Variants in RBFOX1 observed in about 807,000 individuals in gnomAD.
RBFOX1 encodes RNA binding fox-1 homolog 1.
Under a neutral mutation model 57.7 loss-of-function variants are expected in RBFOX1, and 8 were observed. The ratio of observed to expected loss-of-function variants is 0.14; its 90% CI spans 0.08 to 0.25. The LOEUF (loss-of-function observed/expected upper bound fraction) is 0.25. Among genes scored for constraint, RBFOX1 ranks in the 10% least tolerant of loss-of-function variants. RBFOX1 has a pLI of 1.00. For missense variants in RBFOX1, 611 were observed against 548.5 expected, an observed-to-expected ratio of 1.11 and a Z score of -1.14; for synonymous variants, 326 against 222.4, an observed-to-expected ratio of 1.47 and a Z score of -4.15.
At chr16:6,408,227 A>G (rs963498925) in intron 2 of RBFOX1, among the ~76,000 whole-genome samples, 1 of 152,178 alleles carries the variant, frequency 6.6e-6, no homozygotes, top group Non-Finnish European at 1.5e-5. Context: ...AGACAAAGAC[A>G]TTCCCTAAAA....
Position 5,776,709 on chromosome 16 carries a change from A to T in RBFOX1, c.319-90594A>T, listed in dbSNP as rs74006282. Among the ~76,000 whole-genome samples the T allele has an allele frequency of 4.0e-3, 606 of 152,330 alleles. 6 individuals carry two copies. Among genetic ancestry groups the T allele is most frequent in the African/African-American group, 0.013 (560 of 41,574 alleles). On this transcript the variant is annotated intron_variant, in intron 3 of 19. Transcript: ENST00000641259. ...AGAAAGTGGCAGAGCTGGGATTTCA[A>T]CCCAGACAGTCTGCCTCCAACACCC...
chr16:7,034,787 A>C (rs185729128), intron 3 of RBFOX1, among the ~76,000 whole-genome samples: 25 of 145,516 alleles, frequency 1.7e-4, no homozygotes, highest in Admixed American at 2.8e-4. Context: ...TGCAATTTCT[A>C]ATTCACTTGG....
intron 5 of RBFOX1, 22 bp downstream of exon 5, chr16:7,518,411 G>A (rs199524226): frequency 1.0e-5 from 16 of 1,593,794 alleles, no homozygotes; most frequent in Admixed American, 8.4e-5. Context: ...TGTTTGCTAC[G>A]GGTGGGAGGT....
Position 7,595,750 on chromosome 16 carries a change from C to T in RBFOX1, c.561+109C>T, listed in dbSNP as rs757014296. The T allele has an allele frequency of 2.6e-5, 15 of 576,210 alleles. No homozygotes were observed. In the Admixed American group the frequency reaches 5.9e-4, roughly 23 times the overall value. The allele number at this position is 576,210 out of a possible 1,614,324, so 35.7% of individuals were successfully genotyped here. On this transcript the variant is annotated intron_variant, in intron 8 of 15. Transcript: ENST00000550418. ...CGTCTTGTATGTGACCCTATTCCCC[C>T]TCATTGTTTATATATATATATATAT...
intron 3 of RBFOX1, among the ~76,000 whole-genome samples, chr16:5,820,789 A>T (rs1312813698): frequency 3.9e-5 from 6 of 152,084 alleles, no homozygotes; most frequent in African/African-American, 1.2e-4. Context: ...AGACGATCAG[A>T]CAGTTAGACA....
rs113708748 is a variant in RBFOX1, at chr16:7,616,155, G to C, written c.676+8817G>C. On this transcript the variant is annotated intron_variant, in intron 10 of 15. Transcript: ENST00000550418. ...CTCCATGATTGATTAGAAGGACTCA[G>C]AGTTCAAAAAGGCTGTTACACTCAC... 1.1e-3 allele frequency among the ~76,000 whole-genome samples: 172 copies of C among 152,340 alleles called. 3 individuals are homozygous for C. Among genetic ancestry groups the C allele is most frequent in the African/African-American group, 3.8e-3 (160 of 41,584 alleles).
intron 7 of RBFOX1, among the ~76,000 whole-genome samples, chr16:7,587,623 T>C (rs2094199883): frequency 6.6e-6 from 1 of 152,236 alleles, no homozygotes; most frequent in African/African-American, 2.4e-5. Flanking sequence ...AAAAGTGAGT[T>C]GATAGTCTCA....
intron 1 of RBFOX1, among the ~76,000 whole-genome samples, chr16:6,106,791 C>T (rs944029386): frequency 6.6e-6 from 1 of 152,136 alleles, no homozygotes; most frequent in African/African-American, 2.4e-5. Flanking sequence ...CCTCAGCCTC[C>T]CAAGTAGCTG....
intron 1 of RBFOX1, among the ~76,000 whole-genome samples, chr16:6,205,157 A>G (rs2097246174): frequency 6.6e-6 from 1 of 152,144 alleles, no homozygotes; most frequent in Admixed American, 6.5e-5. Flanking sequence ...TGTGCTAGCA[A>G]TTTGTCTACC....
At chr16:7,066,037 C>T (rs2055932274) in intron 4 of RBFOX1, among the ~76,000 whole-genome samples, 1 of 152,106 alleles carries the variant, frequency 6.6e-6, no homozygotes, top group African/African-American at 2.4e-5. Context: ...TTAATTCACT[C>T]CAAGGGGGAA....
chr16:5,827,061 G>C (rs940754778), intron 3 of RBFOX1, among the ~76,000 whole-genome samples: 1 of 152,114 alleles, frequency 6.6e-6, no homozygotes, highest in African/African-American at 2.4e-5. Flanking sequence ...TCTTTCTCCT[G>C]TTGACCAAGT....
At chr16:7,703,083 C>G (rs1042067581) in intron 14 of RBFOX1, among the ~76,000 whole-genome samples, 2 of 151,296 alleles carry the variant, frequency 1.3e-5, no homozygotes, top group Admixed American at 6.7e-5. Context: ...CCATGGCTCT[C>G]TAAAGAGCAT....
chr16:5,642,474 G>T (rs2048912323), intron 3 of RBFOX1, among the ~76,000 whole-genome samples: 1 of 152,310 alleles, frequency 6.6e-6, no homozygotes, highest in African/African-American at 2.4e-5. Flanking sequence ...AGCCTTCTGT[G>T]TTCAAGTGTT....
At chr16:7,223,554 G>A (rs1603353502) in intron 4 of RBFOX1, among the ~76,000 whole-genome samples, 1 of 152,136 alleles carries the variant, frequency 6.6e-6, no homozygotes, top group Non-Finnish European at 1.5e-5. Context: ...AGGGGCATTT[G>A]CACAGCCAGT....
chr16:6,909,381 A>G (rs953288912), intron 3 of RBFOX1, among the ~76,000 whole-genome samples: 2 of 151,786 alleles, frequency 1.3e-5, no homozygotes, highest in Non-Finnish European at 2.9e-5. Flanking sequence ...AATCCTGGCA[A>G]CTCTTCCATT....
At chr16:5,410,131 A>G (rs950657181) in intron 1 of RBFOX1, among the ~76,000 whole-genome samples, 12 of 151,866 alleles carry the variant, frequency 7.9e-5, no homozygotes, top group Non-Finnish European at 1.5e-4. Flanking sequence ...TGGGAGAGCA[A>G]TGTGGGTGGA....
intron 3 of RBFOX1, among the ~76,000 whole-genome samples, chr16:6,729,178 C>T (rs77381324): frequency 0.016 from 2,400 of 152,072 alleles, 38 homozygotes; most frequent in Middle Eastern, 0.034. Flanking sequence ...ATCTGTCTTT[C>T]CAAAATAGAC....
At chr16:6,583,692 C>G (rs1567770854) in intron 2 of RBFOX1, among the ~76,000 whole-genome samples, 1 of 152,180 alleles carries the variant, frequency 6.6e-6, no homozygotes, top group East Asian at 1.9e-4. Context: ...TCTTGTGGCT[C>G]AGAAAACTGA....
At chr16:6,959,055 A>G (rs957522559) in intron 3 of RBFOX1, among the ~76,000 whole-genome samples, 1 of 152,208 alleles carries the variant, frequency 6.6e-6, no homozygotes, top group Non-Finnish European at 1.5e-5. Flanking sequence ...TCACCATCTA[A>G]GTAATATTAT....
Sources: gnomAD v4.1 joint callset for allele counts (sites outside exome capture counted in the v4.1 genomes callset) on GRCh38, gnomAD v4.1.1 for gene constraint, MANE v1.5 for transcripts, NCBI Gene and HGNC (gene_info 2026-07-23, HGNC 2026-07-21) for gene names.